Variants in SEMA3E observed in about 807,000 individuals in gnomAD.
SEMA3E encodes semaphorin 3E.
In SEMA3E, 49 loss-of-function variants were observed where a neutral mutation model predicts 93.6. That is an observed-to-expected ratio of 0.52 (90% confidence interval 0.42 to 0.66). The LOEUF (loss-of-function observed/expected upper bound fraction) is 0.66. Ranked by LOEUF, SEMA3E falls within the 30% of genes least tolerant of loss-of-function variation. The probability of loss-of-function intolerance (pLI) is 0.00; values close to 1 mark genes in which losing one functional copy is unlikely to be tolerated. For synonymous variants in SEMA3E, 363 were observed against 330.7 expected (o/e 1.10, Z -1.06); for missense variants, 906 against 964.8 (o/e 0.94, Z 0.81).
In SEMA3E at chr7:83,534,216, G is replaced by T. The variant is rs533360231; in HGVS notation, c.116-43942C>A. On this transcript the variant is annotated intron_variant, in intron 1 of 16. Coordinates refer to ENST00000643230, the MANE Select transcript of SEMA3E (RefSeq NM_012431.3). ...CACAAAATAAATACTGATATTTTCT[G>T]ATTTATTCTATCTCATTTTTAAAAA... 3.3e-5 allele frequency among the ~76,000 whole-genome samples: 5 copies of T among 152,212 alleles called. No individual in the cohort carries two copies. The East Asian group carries it at 9.7e-4, about 29-fold the overall frequency.
chr7:83,408,723 G>A (rs1310973376), intron 5 of SEMA3E, among the ~76,000 whole-genome samples: 2 of 152,088 alleles, frequency 1.3e-5, no homozygotes. Context: ...TCCTCATTTA[G>A]AAATTAGAAA....
At chr7:83,633,479 A>G (rs1031296422) in intron 1 of SEMA3E, among the ~76,000 whole-genome samples, 2 of 152,194 alleles carry the variant, frequency 1.3e-5, no homozygotes, top group Non-Finnish European at 2.9e-5. Flanking sequence ...AAAGGAACCA[A>G]TTTGTTTATC....
intron 4 of SEMA3E, among the ~76,000 whole-genome samples, chr7:83,448,196 A>T (rs1193169240): frequency 6.6e-6 from 1 of 152,242 alleles, no homozygotes; most frequent in Non-Finnish European, 1.5e-5. Context: ...CATCTGTTCC[A>T]TATCATGTCC....
intron 9 of SEMA3E, among the ~76,000 whole-genome samples, chr7:83,404,898 A>G (rs1419605704): frequency 6.6e-6 from 1 of 151,912 alleles, no homozygotes; most frequent in African/African-American, 2.4e-5. Context: ...TTTTTCAAGC[A>G]AGGTAAGTGA....
chr7:83,616,916 G>A (rs1793380255), intron 1 of SEMA3E, among the ~76,000 whole-genome samples: 1 of 151,882 alleles, frequency 6.6e-6, no homozygotes, highest in South Asian at 2.1e-4. Flanking sequence ...GTAGAGACGG[G>A]GTTTCACCAC....
intron 1 of SEMA3E, among the ~76,000 whole-genome samples, chr7:83,638,068 C>A (rs1793916885): frequency 6.6e-6 from 1 of 152,086 alleles, no homozygotes; most frequent in South Asian, 2.1e-4. Context: ...AAAGCTATAT[C>A]CATTGATTTT....
At chr7:83,424,897 C>A in intron 4 of SEMA3E, 1 of 278,930 alleles carries the variant, frequency 3.6e-6, no homozygotes. Context: ...GAGATGCCTA[C>A]TCAGGAGGTG....
At chr7:83,567,996 C>T (rs1371329906) in intron 1 of SEMA3E, among the ~76,000 whole-genome samples, 1 of 151,160 alleles carries the variant, frequency 6.6e-6, no homozygotes, top group East Asian at 1.9e-4. Context: ...AACTGCTAGT[C>T]TAATCAAGAA....
intron 16 of SEMA3E, among the ~76,000 whole-genome samples, chr7:83,379,100 A>G (rs950626609): frequency 6.6e-5 from 10 of 151,848 alleles, no homozygotes; most frequent in African/African-American, 2.4e-4. Context: ...TTTCATAGCA[A>G]CATGGATGGA....
chr7:83,507,847 A>C (rs1790736509), intron 1 of SEMA3E, among the ~76,000 whole-genome samples: 1 of 151,990 alleles, frequency 6.6e-6, no homozygotes. Flanking sequence ...GCTACTTGGG[A>C]GGCTGAGGTG....
intron 1 of SEMA3E, among the ~76,000 whole-genome samples, chr7:83,611,391 T>A (rs1176541930): frequency 2.2e-5 from 3 of 135,022 alleles, no homozygotes; most frequent in African/African-American, 3.1e-5. Flanking sequence ...ATTTATATAT[T>A]ATATATATAT....
intron 16 of SEMA3E, chr7:83,371,990 C>T: frequency 3.1e-6 from 1 of 319,254 alleles, no homozygotes; most frequent in Non-Finnish European, 5.6e-6. Flanking sequence ...AGTTTCATCT[C>T]TTCAAACATA....
intron 4 of SEMA3E, among the ~76,000 whole-genome samples, chr7:83,423,400 T>C (rs959796882): frequency 5.3e-5 from 8 of 152,178 alleles, no homozygotes; most frequent in African/African-American, 1.9e-4. Context: ...CTATCTCACA[T>C]TTATTTGATT....
chr7:83,414,611 T>G (rs1382664493), intron 5 of SEMA3E, among the ~76,000 whole-genome samples: 1 of 152,120 alleles, frequency 6.6e-6, no homozygotes, highest in Admixed American at 6.6e-5. Flanking sequence ...AATGTCTTAT[T>G]AGTGATTATT....
At chr7:83,568,573 T>A (rs921312644) in intron 1 of SEMA3E, among the ~76,000 whole-genome samples, 4 of 152,110 alleles carry the variant, frequency 2.6e-5, no homozygotes, top group Non-Finnish European at 5.9e-5. Flanking sequence ...GATTAACATA[T>A]GCAAACCAAT....
At chr7:83,410,892 A>G (rs890108361) in intron 5 of SEMA3E, among the ~76,000 whole-genome samples, 1 of 152,106 alleles carries the variant, frequency 6.6e-6, no homozygotes, top group Non-Finnish European at 1.5e-5. Flanking sequence ...GGTTGAAAAT[A>G]TAATTTATTT....
chr7:83,625,339 A>C (rs1351405235), intron 1 of SEMA3E, among the ~76,000 whole-genome samples: 1 of 152,080 alleles, frequency 6.6e-6, no homozygotes, highest in African/African-American at 2.4e-5. Context: ...CATGATATTG[A>C]TTCCTCCTAT....
chr7:83,406,719 A>C (rs1788337165), intron 7 of SEMA3E, among the ~76,000 whole-genome samples: 1 of 152,064 alleles, frequency 6.6e-6, no homozygotes, highest in Non-Finnish European at 1.5e-5. Flanking sequence ...TTTTAAAAAT[A>C]ATTTTAACCA....
At chr7:83,635,674 CT>C (rs1793868529) in intron 1 of SEMA3E, among the ~76,000 whole-genome samples, 1 of 151,672 alleles carries the variant, frequency 6.6e-6, no homozygotes, top group Non-Finnish European at 1.5e-5. Context: ...ATAGTAAAAT[CT>C]TAGTAAAATG....
Sources: allele counts gnomAD v4.1 joint callset (sites outside exome capture counted in the v4.1 genomes callset), GRCh38; gene constraint gnomAD v4.1.1; transcripts MANE v1.5; gene names NCBI Gene and HGNC (gene_info 2026-07-23, HGNC 2026-07-21).